Variants in MRC1 observed in about 807,000 individuals in gnomAD.
MRC1 encodes macrophage mannose receptor 1.
A neutral mutation model predicts 102.9 loss-of-function variants in MRC1; 62 were observed. The observed-to-expected ratio is 0.60, with a 90% CI of 0.49 to 0.74. The LOEUF is 0.74. Among genes scored for constraint, MRC1 ranks in the 30% least tolerant of loss-of-function variants. MRC1 has a pLI of 0.00. For synonymous variants in MRC1, 457 were observed against 298.4 expected (o/e 1.53, Z -5.48); for missense variants, 1,237 against 862.8 (o/e 1.43, Z -5.43).
intron 7 of MRC1, among the ~76,000 whole-genome samples, chr10:17,851,800 G>A (rs1252793948): frequency 6.6e-6 from 1 of 152,156 alleles, no homozygotes; most frequent in Admixed American, 6.5e-5. Context: ...CATTCTCCAC[G>A]GCACTGGAAA....
At chr10:17,816,659 C>A (rs1838317929) in intron 1 of MRC1, among the ~76,000 whole-genome samples, 1 of 152,170 alleles carries the variant, frequency 6.6e-6, no homozygotes, top group African/African-American at 2.4e-5. Context: ...GGCCTGCATG[C>A]ACCTAAACAG....
intron 26 of MRC1, among the ~76,000 whole-genome samples, chr10:17,904,874 A>G (rs1180120081): frequency 6.6e-6 from 1 of 152,184 alleles, no homozygotes; most frequent in South Asian, 2.1e-4. Context: ...AAAGTCTCCT[A>G]TGAACATCCC....
chr10:17,908,546 A>G (rs1387509923), intron 28 of MRC1, among the ~76,000 whole-genome samples: 9 of 151,784 alleles, frequency 5.9e-5, no homozygotes, highest in African/African-American at 9.7e-5. Flanking sequence ...CTCTGGTACA[A>G]TGTTGGAGTT....
chr10:17,909,486 A>T (rs551080316), intron 29 of MRC1, 139 bp downstream of exon 29: 2 of 667,060 alleles, frequency 3.0e-6, no homozygotes, highest in Non-Finnish European at 5.5e-6. Context: ...CTTTGTCATC[A>T]GCCTACTTTG....
intron 27 of MRC1, 85 bp from the exon 28 acceptor site, chr10:17,907,449 T>A: frequency 1.3e-6 from 1 of 775,348 alleles, no homozygotes; most frequent in Non-Finnish European, 2.4e-6. Flanking sequence ...AGAATATGCT[T>A]AGAAATTTCA....
chr10:17,866,151 G>A (rs1483433505), intron 11 of MRC1, among the ~76,000 whole-genome samples: 12 of 152,212 alleles, frequency 7.9e-5, no homozygotes, highest in African/African-American at 2.9e-4. Flanking sequence ...TAGTTGAGAC[G>A]TGTCTCATTT....
At chr10:17,879,879 C>A (rs1433206560) in intron 19 of MRC1, 58 bp downstream of exon 19, 19 of 780,360 alleles carry the variant, frequency 2.4e-5, no homozygotes, top group Non-Finnish European at 4.3e-5. Flanking sequence ...TTTGCCACAT[C>A]CCTAGACTAA....
intron 1 of MRC1, among the ~76,000 whole-genome samples, chr10:17,816,408 TG>T (rs1838313166): frequency 1.3e-5 from 2 of 152,122 alleles, no homozygotes; most frequent in Admixed American, 6.6e-5. Context: ...GTGACCGCTG[TG>T]GGCAATGGAG....
intron 28 of MRC1, among the ~76,000 whole-genome samples, chr10:17,908,635 C>G (rs1456845933): frequency 6.6e-6 from 1 of 151,840 alleles, no homozygotes; most frequent in African/African-American, 2.4e-5. Context: ...GTGGCGTGAT[C>G]TTGGCTCACT....
chr10:17,893,561 G>A (rs1266132075), intron 22 of MRC1, among the ~76,000 whole-genome samples: 1 of 151,922 alleles, frequency 6.6e-6, no homozygotes, highest in African/African-American at 2.4e-5. Context: ...TACTCCAACA[G>A]GACCAGGTAT....
chr10:17,816,656 A>G (rs1838317829), intron 1 of MRC1, among the ~76,000 whole-genome samples: 1 of 152,194 alleles, frequency 6.6e-6, no homozygotes. Context: ...TGGGGCCTGC[A>G]TGCACCTAAA....
intron 6 of MRC1, among the ~76,000 whole-genome samples, chr10:17,848,760 G>A (rs1162910439): frequency 1.3e-5 from 2 of 152,276 alleles, no homozygotes; most frequent in East Asian, 3.9e-4. Flanking sequence ...GGTTTTAGGA[G>A]TTATGACTCC....
At chr10:17,813,700 A>ATATATAT (rs1401200082) in intron 1 of MRC1, among the ~76,000 whole-genome samples, 6 of 125,694 alleles carry the variant, frequency 4.8e-5, no homozygotes, top group East Asian at 2.2e-4. Context: ...ATATATATAT[A>ATATATAT]TTTTTTTTTT....
intron 12 of MRC1, among the ~76,000 whole-genome samples, 157 bp from the exon 13 acceptor site, chr10:17,870,089 C>T (rs1223778950): frequency 2.0e-5 from 3 of 152,182 alleles, no homozygotes; most frequent in Admixed American, 2.0e-4. Flanking sequence ...ACTATTCACT[C>T]ATAAACTGAT....
intron 27 of MRC1, among the ~76,000 whole-genome samples, chr10:17,907,313 G>A (rs1833908739): frequency 6.6e-6 from 1 of 152,190 alleles, no homozygotes; most frequent in Non-Finnish European, 1.5e-5. Flanking sequence ...GTACTAATTA[G>A]AAATACGGTT....
chr10:17,894,536 A>G (rs1430868408), intron 23 of MRC1, among the ~76,000 whole-genome samples: 1 of 150,586 alleles, frequency 6.6e-6, no homozygotes, highest in Non-Finnish European at 1.5e-5. Flanking sequence ...AGTAGCTGGG[A>G]TTACAGGCAC....
chr10:17,839,210 A>G (rs1838713790), intron 4 of MRC1, among the ~76,000 whole-genome samples: 1 of 152,232 alleles, frequency 6.6e-6, no homozygotes, highest in Non-Finnish European at 1.5e-5. Flanking sequence ...GTCAAAAGGT[A>G]ATTCTCTTAA....
chr10:17,847,986 T>C (rs1177985747), intron 6 of MRC1, among the ~76,000 whole-genome samples: 1 of 151,470 alleles, frequency 6.6e-6, no homozygotes, highest in Non-Finnish European at 1.5e-5. Context: ...GGGAATAGAA[T>C]TTTTTTAAAT....
chr10:17,900,767 T>C, intron 24 of MRC1, 21 bp from the exon 25 acceptor site: 1 of 780,808 alleles, frequency 1.3e-6, no homozygotes, highest in South Asian at 1.3e-5. Flanking sequence ...TGCATGTTAA[T>C]GCTTGTTTTT....
Sources: allele counts gnomAD v4.1 joint callset (sites outside exome capture counted in the v4.1 genomes callset), GRCh38; gene constraint gnomAD v4.1.1; transcripts MANE v1.5; gene names NCBI Gene and HGNC (gene_info 2026-07-23, HGNC 2026-07-21).